CD8B: variants seen among roughly 807,000 people sequenced by gnomAD.
CD8B encodes the protein T-cell surface glycoprotein CD8 beta chain.
A neutral mutation model predicts 24.2 loss-of-function variants in CD8B; 6 were observed. The ratio of observed to expected loss-of-function variants is 0.25; its 90% CI spans 0.14 to 0.49. The LOEUF (loss-of-function observed/expected upper bound fraction) is 0.49, where lower values mean the gene tolerates loss of function less well. CD8B is among the 20% of genes least tolerant of loss of function. The pLI, the probability that CD8B is intolerant of heterozygous loss-of-function variation, is 0.98. For missense variants in CD8B, 196 were observed against 271.3 expected, an observed-to-expected ratio of 0.72 and a Z score of 1.95; for synonymous variants, 84 against 108.3, an observed-to-expected ratio of 0.78 and a Z score of 1.39.
At chr2:86,835,864 G>A (rs1385799119), downstream of CD8B, among the ~76,000 whole-genome samples, 3 of 151,686 alleles carry the variant, frequency 2.0e-5, no homozygotes, top group Non-Finnish European at 4.4e-5. Context: ...GCATGAGGCT[G>A]CAGCCAGTGA....
At chr2:86,815,790 G>A in intron 5 of CD8B, 3 of 845,906 alleles carry the variant, frequency 3.5e-6, no homozygotes, top group South Asian at 1.4e-5. Context: ...ATTAAGTAAT[G>A]ACTGATTTTT....
intron 5 of CD8B, among the ~76,000 whole-genome samples, chr2:86,824,268 A>G (rs1202899181): frequency 6.6e-6 from 1 of 152,128 alleles, no homozygotes; most frequent in Non-Finnish European, 1.5e-5. Flanking sequence ...CATTTCTCAG[A>G]TAGCAAGGCT....
chr2:86,835,601 C>A (rs1346301442), downstream of CD8B, among the ~76,000 whole-genome samples: 1 of 151,666 alleles, frequency 6.6e-6, no homozygotes, highest in East Asian at 2.0e-4. Flanking sequence ...CAGCAGGCAG[C>A]TTCAGGCTTG....
At chr2:86,850,278 G>T (rs2104562444) in intron 3 of CD8B, among the ~76,000 whole-genome samples, 1 of 152,234 alleles carries the variant, frequency 6.6e-6, no homozygotes, top group Middle Eastern at 3.4e-3. Flanking sequence ...CGGGGCCTCA[G>T]GGTCTCCTGA....
chr2:86,858,369 C>T lies in CD8B; in HGVS notation c.91G>A (p.Val31Met). ...VLQQTPAYIK[V>M]QTNKMVMLSC... ...AGCATCACCATCTTGTTGGTTTGCA[C>T]CTTTATGTATGCAGGGGTCTGCTGG... The change falls in exon 2 of 6, where the codon GTG becomes ATG. Residue 31 changes from valine (V) to methionine (M), a missense_variant. Transcript: ENST00000390655. 1 of 1,612,412 alleles carries T rather than the reference C, an allele frequency of 6.2e-7. No individual in the cohort carries two copies. The highest frequency in any genetic ancestry group is 8.5e-7 in the Non-Finnish European group (1 of 1,179,210).
At chr2:86,859,325 C>T (rs1274371328) in intron 1 of CD8B, among the ~76,000 whole-genome samples, 1 of 152,058 alleles carries the variant, frequency 6.6e-6, no homozygotes, top group Non-Finnish European at 1.5e-5. Flanking sequence ...GAGAAGCACC[C>T]GGCAAGCAGG....
Position 86,815,743 on chromosome 2 carries a change from T to A in CD8B, c.621-25A>T, listed in dbSNP as rs56761572. ...CCTTGCAAAAAGAAAAACAAGAGAGTCTCAATACATGCACCAAGTCAAGGT... is the reference window on the plus strand; with the variant it reads ...CCTTGCAAAAAGAAAAACAAGAGAGACTCAATACATGCACCAAGTCAAGGT... On this transcript the variant is annotated intron_variant, in intron 5 of 5. Coordinates refer to the CD8B transcript ENST00000331469. 31,809 of 1,199,724 alleles carry A rather than the reference T, an allele frequency of 0.027. 3,844 individuals are homozygous for A. In the African/African-American group the frequency reaches 0.33, roughly 12 times the overall value. The allele number at this position is 1,199,724 out of a possible 1,614,324, so 74.3% of individuals were successfully genotyped here.
intron 1 of CD8B, 94 bp downstream of exon 1, chr2:86,861,729 C>T (rs1676607239): frequency 9.9e-7 from 1 of 1,013,298 alleles, no homozygotes; most frequent in African/African-American, 1.7e-5. Context: ...ACGCTGCACC[C>T]TGCCAGGACC....
chr2:86,854,260 C>A (rs1406045716), intron 2 of CD8B, among the ~76,000 whole-genome samples: 1 of 152,096 alleles, frequency 6.6e-6, no homozygotes, highest in African/African-American at 2.4e-5. Context: ...GCCTTTGGCA[C>A]AACGAGCCCC....
intron 5 of CD8B, among the ~76,000 whole-genome samples, chr2:86,842,937 A>G (rs565932022): frequency 4.6e-5 from 7 of 152,100 alleles, no homozygotes; most frequent in Admixed American, 4.6e-4. Context: ...GGGCTTGCAA[A>G]AGCATGAGGT....
intron 4 of CD8B, among the ~76,000 whole-genome samples, chr2:86,845,238 T>C (rs1341842643): frequency 6.6e-6 from 1 of 152,164 alleles, no homozygotes; most frequent in East Asian, 1.9e-4. Context: ...AGCTAGTAAG[T>C]GGGAAAGCCA....
intron 5 of CD8B, among the ~76,000 whole-genome samples, chr2:86,817,352 C>CA (rs1674292955): frequency 6.6e-6 from 1 of 151,818 alleles, no homozygotes; most frequent in South Asian, 2.1e-4. Flanking sequence ...CACAGAAGCA[C>CA]AAACAACAGA....
chr2:86,860,038 G>A (rs1464244624), intron 1 of CD8B, among the ~76,000 whole-genome samples: 1 of 152,076 alleles, frequency 6.6e-6, no homozygotes, highest in Non-Finnish European at 1.5e-5. Context: ...GGGAGATCGA[G>A]GCAGGAGGAT....
intron 5 of CD8B, 74 bp from the exon 6 acceptor site, chr2:86,842,393 A>G: frequency 1.9e-6 from 3 of 1,589,006 alleles, no homozygotes; most frequent in South Asian, 1.1e-5. Flanking sequence ...ACAGAGACAA[A>G]TGGCAAATGA....
chr2:86,828,871 A>G (rs1449414146), intron 5 of CD8B, among the ~76,000 whole-genome samples: 2 of 152,120 alleles, frequency 1.3e-5, no homozygotes, highest in Non-Finnish European at 2.9e-5. Flanking sequence ...ATCACTTTTT[A>G]AAAACAGTAA....
intron 2 of CD8B, among the ~76,000 whole-genome samples, chr2:86,857,713 C>G (rs770343119): frequency 2.6e-5 from 4 of 151,984 alleles, no homozygotes; most frequent in Non-Finnish European, 5.9e-5. Flanking sequence ...CAGTGAGGCT[C>G]TGTCTCAAAA....
rs766934978 is a variant in CD8B, at chr2:86,858,334, C to T, written c.126G>A (p.Glu42=). 3 of 1,613,794 alleles carry T rather than the reference C, an allele frequency of 1.9e-6. No individual in the cohort carries two copies. Among genetic ancestry groups the T allele is most frequent in the Admixed American group, 1.7e-5 (1 of 59,986 alleles). ...GCATGTTACTGAGGGAGATTTTAGCCTCGCAGGACAGCATCACCATCTTGT... is the reference window on the plus strand; with the variant it reads ...GCATGTTACTGAGGGAGATTTTAGCTTCGCAGGACAGCATCACCATCTTGT... ...QTNKMVMLSC[E]AKISLSNMRI... is the part of the protein sequence containing the mutation. Residue 42 remains glutamate, a synonymous_variant, in exon 2 of 6, where the codon GAG becomes GAA. Coordinates refer to ENST00000390655, the MANE Select transcript of CD8B (RefSeq NM_004931.5).
At position 86,841,751 on chromosome 2, in the gene CD8B, A is replaced by C. The variant is rs1675436192; in HGVS notation, c.*556T>G. On this transcript the variant is annotated 3_prime_UTR_variant, in exon 6 of 6. Transcript: ENST00000390655. ...AGTGAACTCCTATCCTCAAACCCGC[A>C]AGTTCCCGGCCCCAAAGGAAGCCCT... The C allele has an allele frequency of 3.0e-6, 3 of 985,452 alleles. No individual in the cohort carries two copies. The Admixed American group carries it at 1.8e-4, about 61-fold the overall frequency. The allele number at this position is 985,452 out of a possible 1,614,324, so 61.0% of individuals were successfully genotyped here. A position where few individuals can be genotyped will look rare whatever the true frequency, so the allele number is the denominator to read the frequency against.
chr2:86,835,663 AC>A (rs1272860755), downstream of CD8B, among the ~76,000 whole-genome samples: 52 of 150,226 alleles, frequency 3.5e-4, no homozygotes, highest in African/African-American at 1.3e-3. Flanking sequence ...AGGAGCCTCC[AC>A]CCCTCCACCA....
Sources: allele counts gnomAD v4.1 joint callset (sites outside exome capture counted in the v4.1 genomes callset), GRCh38; gene constraint gnomAD v4.1.1; transcripts MANE v1.5; gene names NCBI Gene and HGNC (gene_info 2026-07-23, HGNC 2026-07-21).